The following REV3L variants were observed in gnomAD, a reference collection of about 807,000 sequenced individuals.
The protein encoded by REV3L is REV3 like, DNA directed polymerase zeta catalytic subunit, also known as DNA polymerase zeta catalytic subunit.
In REV3L, 69 loss-of-function variants were observed where a neutral mutation model predicts 299.4. The observed-to-expected ratio is 0.23, with a 90% confidence interval of 0.19 to 0.28. The LOEUF is 0.28. Among genes scored for constraint, REV3L ranks in the 10% least tolerant of loss-of-function variants. The probability of loss-of-function intolerance (pLI) is 1.00; values close to 1 mark genes in which losing one functional copy is unlikely to be tolerated. For missense variants in REV3L, 3,128 were observed against 3,693.8 expected, an observed-to-expected ratio of 0.85 and a Z score of 3.97; for synonymous variants, 1,238 against 1,271.4, an observed-to-expected ratio of 0.97 and a Z score of 0.56.
At chr6:111,389,604 AAATT>A (rs1781691632) in intron 6 of REV3L, among the ~76,000 whole-genome samples, 1 of 152,172 alleles carries the variant, frequency 6.6e-6, no homozygotes, top group East Asian at 1.9e-4. Context: ...TATAAACAAA[AAATT>A]AATACCTCAT....
At chr6:111,458,483 A>T (rs1209180262) in intron 1 of REV3L, among the ~76,000 whole-genome samples, 2 of 152,124 alleles carry the variant, frequency 1.3e-5, no homozygotes, top group African/African-American at 2.4e-5. Context: ...GGAAAAGAAG[A>T]AGTCAAACTA....
rs1274443513 is a variant in REV3L, at chr6:111,375,735, C to T, written c.2620G>A (p.Ala874Thr). 1 of 1,613,576 alleles carries T rather than the reference C, an allele frequency of 6.2e-7. No homozygotes were observed. Among genetic ancestry groups the T allele is most frequent in the Non-Finnish European group, 8.5e-7 (1 of 1,179,590 alleles). ...CGAGTGGTTTTAGTTAAATCACTAG[C>T]CAATGCATTATCCTTCTCAGGATTA... ...NSNPEKDNAL[A>T]SDLTKTTRGA... The change falls in exon 13 of 32, where the codon GCT (alanine) becomes ACT (threonine). Residue 874 changes from alanine to threonine, a missense_variant. Coordinates refer to ENST00000368802, the MANE Select transcript of REV3L (RefSeq NM_001372078.1).
intron 9 of REV3L, among the ~76,000 whole-genome samples, chr6:111,383,246 T>C (rs1781016146): frequency 6.6e-6 from 1 of 152,156 alleles, no homozygotes; most frequent in South Asian, 2.1e-4. Flanking sequence ...ACCACTGTTA[T>C]TCAACACAGT....
At chr6:111,371,717 C>T (rs1343830747) in intron 13 of REV3L, among the ~76,000 whole-genome samples, 3 of 152,174 alleles carry the variant, frequency 2.0e-5, no homozygotes, top group Admixed American at 6.5e-5. Context: ...GCACCTGCCA[C>T]CATGTCCAGC....
At chr6:111,464,894 T>C (rs1262284008) in intron 1 of REV3L, among the ~76,000 whole-genome samples, 1 of 151,586 alleles carries the variant, frequency 6.6e-6, no homozygotes, top group Non-Finnish European at 1.5e-5. Context: ...CCCAGCTACT[T>C]GGGAGGCTGA....
At chr6:111,475,966 C>A (rs1168364956) in intron 1 of REV3L, among the ~76,000 whole-genome samples, 4 of 152,186 alleles carry the variant, frequency 2.6e-5, no homozygotes, top group Non-Finnish European at 5.9e-5. Context: ...AACAATTCTT[C>A]TTTTCCCTAC....
At chr6:111,454,593 T>C (rs1208291772) in intron 1 of REV3L, among the ~76,000 whole-genome samples, 2 of 152,170 alleles carry the variant, frequency 1.3e-5, no homozygotes, top group African/African-American at 4.8e-5. Context: ...ATTCTATTGT[T>C]TGTTCTCTAT....
At chr6:111,325,011 G>A (rs527587008) in intron 25 of REV3L, among the ~76,000 whole-genome samples, 9 of 151,882 alleles carry the variant, frequency 5.9e-5, no homozygotes, top group African/African-American at 9.7e-5. Flanking sequence ...ACAGGCACCC[G>A]CCACTACGCC....
intron 4 of REV3L, among the ~76,000 whole-genome samples, chr6:111,399,706 C>T (rs574207860): frequency 1.3e-5 from 2 of 152,282 alleles, no homozygotes; most frequent in East Asian, 3.9e-4. Context: ...GAATATCACA[C>T]AGGCGAAGTA....
At chr6:111,314,380 G>A (rs1325641483) in intron 27 of REV3L, among the ~76,000 whole-genome samples, 1 of 152,110 alleles carries the variant, frequency 6.6e-6, no homozygotes, top group Non-Finnish European at 1.5e-5. Context: ...CTTTGAGCCT[G>A]GGTCATACAA....
At chr6:111,410,187 A>T (rs1412534831) in intron 3 of REV3L, among the ~76,000 whole-genome samples, 1 of 152,210 alleles carries the variant, frequency 6.6e-6, no homozygotes, top group Admixed American at 6.5e-5. Flanking sequence ...AGCCTGGGCA[A>T]CAAAGCAAGA....
chr6:111,440,036 T>C (rs1342768149), intron 1 of REV3L, among the ~76,000 whole-genome samples: 1 of 152,130 alleles, frequency 6.6e-6, no homozygotes, highest in Non-Finnish European at 1.5e-5. Flanking sequence ...CAGAAAATGC[T>C]TTCCAAGAGT....
At chr6:111,331,826 A>C in intron 23 of REV3L, 42 bp from the exon 24 acceptor site, 1 of 1,252,560 alleles carries the variant, frequency 8.0e-7, no homozygotes, top group Non-Finnish European at 1.2e-6. Context: ...TCCTCAAATC[A>C]TAGAACAGAG....
intron 19 of REV3L, among the ~76,000 whole-genome samples, chr6:111,349,669 C>A (rs529813437): frequency 6.6e-6 from 1 of 152,158 alleles, no homozygotes; most frequent in African/African-American, 2.4e-5. Context: ...TGGTCACAAG[C>A]AATCCGCCTG....
chr6:111,412,116 T>C, intron 2 of REV3L: 1 of 985,392 alleles, frequency 1.0e-6, no homozygotes, highest in Non-Finnish European at 1.2e-6. Flanking sequence ...AATGTACCTA[T>C]TATATGTACA....
rs10485123 is a variant in REV3L, at chr6:111,310,330, T to G, written c.8796-231A>C. 5.6e-5 allele frequency: 20 copies of G among 354,954 alleles called. No homozygotes were observed. In the East Asian group the frequency reaches 9.5e-4, roughly 17 times the overall value. 22.0% of individuals were successfully genotyped at this position (354,954 alleles called of 1,614,324 possible). ...AATTACTCTGTAAATCACTGTTACC[T>G]GGAAAATAATGAGTTGGCAGATATC... On this transcript the variant is annotated intron_variant, in intron 29 of 31. Coordinates refer to ENST00000368802, the MANE Select transcript of REV3L (RefSeq NM_001372078.1).
At chr6:111,336,446 A>C (rs1184588952) in intron 21 of REV3L, among the ~76,000 whole-genome samples, 1 of 152,174 alleles carries the variant, frequency 6.6e-6, no homozygotes, top group Non-Finnish European at 1.5e-5. Flanking sequence ...CAGACACATG[A>C]CTAATGCTTA....
chr6:111,410,316 T>G (rs1483614139), intron 3 of REV3L, among the ~76,000 whole-genome samples: 1 of 152,246 alleles, frequency 6.6e-6, no homozygotes, highest in Non-Finnish European at 1.5e-5. Context: ...AAAGCAAACT[T>G]ACTGAGAACA....
chr6:111,459,927 A>G (rs145080025), intron 1 of REV3L, among the ~76,000 whole-genome samples: 4,332 of 152,274 alleles, frequency 0.028, 74 homozygotes, highest in South Asian at 0.078. Context: ...GTATATACCC[A>G]AAGAAAAATA....
Sources: gnomAD v4.1 joint callset for allele counts (sites outside exome capture counted in the v4.1 genomes callset) on GRCh38, gnomAD v4.1.1 for gene constraint, MANE v1.5 for transcripts, NCBI Gene and HGNC (gene_info 2026-07-23, HGNC 2026-07-21) for gene names.